Variants in BRCC3 observed in about 807,000 individuals in gnomAD.
BRCC3 encodes the protein BRCA1/BRCA2-containing complex subunit 3.
BRCC3 carries 15 observed loss-of-function variants against 28.0 expected under a neutral mutation model. The ratio of observed to expected loss-of-function variants is 0.54; its 90% CI spans 0.36 to 0.82. The LOEUF (loss-of-function observed/expected upper bound fraction) is 0.82. BRCC3 is among the 40% of genes least tolerant of loss of function. BRCC3 has a pLI of 0.01. For synonymous variants in BRCC3, 66 were observed against 80.3 expected, an observed-to-expected ratio of 0.82 and a Z score of 0.95; for missense variants, 109 against 225.9, an observed-to-expected ratio of 0.48 and a Z score of 3.32.
chrX:155,073,284 T>C, intron 2 of BRCC3, 93 bp from the exon 3 acceptor site: 1 of 1,001,063 alleles, frequency 1.0e-6, no homozygotes, highest in East Asian at 3.3e-5. Context: ...TAAGATTTCA[T>C]TGCAAAAACA....
intron 5 of BRCC3, among the ~76,000 whole-genome samples, chrX:155,084,538 C>T (rs935335075): frequency 9.0e-6 from 1 of 111,499 alleles, no homozygotes; most frequent in African/African-American, 3.3e-5. Context: ...AATTTTTTTG[C>T]ATTTTTAGTA....
chrX:155,098,459 T>G, intron 7 of BRCC3, among the ~76,000 whole-genome samples: 1 of 112,559 alleles, frequency 8.9e-6, no homozygotes, highest in South Asian at 3.6e-4. Context: ...GGTATCAGCC[T>G]TACGGATTTT....
At chrX:155,072,472 C>G in intron 2 of BRCC3, 129 bp downstream of exon 2, 1 of 490,538 alleles carries the variant, frequency 2.0e-6, no homozygotes, top group Admixed American at 3.8e-5. Context: ...TCCGGGGCTC[C>G]CTTAATGATA....
chrX:155,103,345 G>A (rs1172428736), intron 7 of BRCC3, among the ~76,000 whole-genome samples: 3 of 112,021 alleles, frequency 2.7e-5, no homozygotes, highest in Admixed American at 9.5e-5. Flanking sequence ...CCTTTAATGT[G>A]TCTTGTAGTG....
chrX:155,076,144 G>T (rs988721429), intron 3 of BRCC3, among the ~76,000 whole-genome samples: 2 of 111,932 alleles, frequency 1.8e-5, no homozygotes, highest in Non-Finnish European at 3.8e-5. Flanking sequence ...GGTGCGGTGG[G>T]TTATGCCTGT....
intron 7 of BRCC3, among the ~76,000 whole-genome samples, chrX:155,094,779 G>A (rs2074199010): frequency 8.9e-6 from 1 of 111,965 alleles, no homozygotes; most frequent in South Asian, 3.7e-4. Flanking sequence ...TAACTAGGTG[G>A]ATTGTTACAA....
At chrX:155,079,724 A>G (rs2074071741) in intron 5 of BRCC3, among the ~76,000 whole-genome samples, 1 of 111,401 alleles carries the variant, frequency 9.0e-6, no homozygotes, top group African/African-American at 3.3e-5. Flanking sequence ...AAGGGAGATG[A>G]CAGATCTACC....
intron 3 of BRCC3, among the ~76,000 whole-genome samples, chrX:155,076,550 G>A (rs782222355): frequency 9.0e-6 from 1 of 111,156 alleles, no homozygotes; most frequent in Non-Finnish European, 1.9e-5. Context: ...TTACATGGTG[G>A]TAGGAGAGAG....
intron 7 of BRCC3, among the ~76,000 whole-genome samples, chrX:155,097,036 C>G (rs1349213140): frequency 1.8e-5 from 2 of 111,953 alleles, no homozygotes; most frequent in African/African-American, 6.5e-5. Context: ...AACATAAGAC[C>G]TGAAAGTGTA....
At chrX:155,085,137 T>A (rs1360022266) in intron 5 of BRCC3, among the ~76,000 whole-genome samples, 1 of 112,297 alleles carries the variant, frequency 8.9e-6, no homozygotes, top group Non-Finnish European at 1.9e-5. Flanking sequence ...TAAAAGGAAA[T>A]GAGAAGGCCT....
intron 6 of BRCC3, among the ~76,000 whole-genome samples, chrX:155,089,611 G>GGAAGTTGGTGTGGCT (rs2074161656): frequency 9.0e-6 from 1 of 111,653 alleles, no homozygotes; most frequent in South Asian, 3.8e-4. Context: ...GAAACATCAA[G>GGAAGTTGGTGTGGCT]GAAGTTGGTG....
At chrX:155,089,940 CAA>C (rs1264829335) in intron 6 of BRCC3, among the ~76,000 whole-genome samples, 6 of 111,723 alleles carry the variant, frequency 5.4e-5, no homozygotes, top group African/African-American at 1.6e-4. Flanking sequence ...GTAATCTAGA[CAA>C]GAGATGATGG....
At position 155,120,070 on chromosome X, in the gene BRCC3, C is replaced by T; in HGVS notation, c.796C>T (p.Leu266=). The T allele has an allele frequency of 1.7e-6, 2 of 1,209,709 alleles. No homozygotes were observed. The highest frequency in any genetic ancestry group is 2.2e-6 in the Non-Finnish European group (2 of 893,908). Residue 266 remains leucine, a synonymous_variant, in exon 10 of 11, where the codon CTG becomes TTG. Transcript: ENST00000330045. ...GPLLQWLEDR[L]EQNQQHLQEL... Reference sequence around the variant, plus strand: ...TCTCCTACAGTGGTTGGAGGACAGACTGGAGCAAAACCAACAGCATTTGCA... The same window carrying T: ...TCTCCTACAGTGGTTGGAGGACAGATTGGAGCAAAACCAACAGCATTTGCA...
chrX:155,078,631 A>T lies in BRCC3; in HGVS notation c.331A>T (p.Thr111Ser). ...ACAGACACACAGGTTGGCTGAACTGACAGGCCGCCCCATGAGAGTTGTGGG... is the reference window on the plus strand; with the variant it reads ...ACAGACACACAGGTTGGCTGAACTGTCAGGCCGCCCCATGAGAGTTGTGGG... Reference protein sequence around the residue: ...STEAERLAELTGRPMRVVGWY... With the variant: ...STEAERLAELSGRPMRVVGWY... Residue 111 changes from threonine to serine, a missense_variant, in exon 5 of 11, where the codon ACA becomes TCA. Physicochemically the swap from Thr to Ser is moderately conservative, Grantham distance 58. Transcript: ENST00000330045. The T allele has an allele frequency of 8.3e-7, 1 of 1,199,160 alleles. No individual in the cohort carries two copies. The highest frequency in any genetic ancestry group is 1.1e-6 in the Non-Finnish European group (1 of 888,336).
At chrX:155,115,985 T>C in intron 7 of BRCC3, 72 bp from the exon 8 acceptor site, 1 of 1,057,903 alleles carries the variant, frequency 9.5e-7, no homozygotes, top group Non-Finnish European at 1.3e-6. Context: ...AAACTTCCAA[T>C]TAAAACTGTA....
intron 5 of BRCC3, among the ~76,000 whole-genome samples, chrX:155,084,422 G>T (rs1370592333): frequency 1.8e-5 from 2 of 110,995 alleles, no homozygotes; most frequent in Non-Finnish European, 3.8e-5. Context: ...GAGTGCAGTG[G>T]CACGATCTCA....
intron 7 of BRCC3, among the ~76,000 whole-genome samples, chrX:155,109,003 T>A (rs2074302046): frequency 1.8e-5 from 2 of 111,992 alleles, no homozygotes; most frequent in Non-Finnish European, 3.8e-5. Flanking sequence ...ATCTACTTAG[T>A]GTTAACTTTA....
intron 4 of BRCC3, 86 bp from the exon 5 acceptor site, chrX:155,078,530 T>TA (rs2074062485): frequency 1.6e-6 from 1 of 615,778 alleles, no homozygotes; most frequent in South Asian, 2.5e-5. Context: ...GTAATAAGCT[T>TA]ATTTTAAACT....
At chrX:155,072,947 G>A in intron 2 of BRCC3, among the ~76,000 whole-genome samples, 1 of 111,787 alleles carries the variant, frequency 8.9e-6, no homozygotes, top group South Asian at 3.8e-4. Flanking sequence ...TACGTTTAGA[G>A]GCATTTCCCC....
Sources: gnomAD v4.1 joint callset for allele counts (sites outside exome capture counted in the v4.1 genomes callset) on GRCh38, gnomAD v4.1.1 for gene constraint, MANE v1.5 for transcripts, NCBI Gene and HGNC (gene_info 2026-07-23, HGNC 2026-07-21) for gene names.